The following AKR1C3 variants were observed in gnomAD, a reference collection of about 807,000 sequenced individuals.
AKR1C3 encodes the protein aldo-keto reductase family 1 member C3.
A neutral mutation model predicts 43.6 loss-of-function variants in AKR1C3; 48 were observed. The ratio of observed to expected loss-of-function variants is 1.10; its 90% CI spans 0.87 to 1.40. The LOEUF is 1.40. Among genes scored for constraint, AKR1C3 ranks in the 40% most tolerant of loss-of-function variants. AKR1C3 has a pLI of 0.00. For missense variants in AKR1C3, 482 were observed against 391.2 expected (o/e 1.23, Z -1.96); for synonymous variants, 162 against 139.6 (o/e 1.16, Z -1.13).
intron 1 of AKR1C3, among the ~76,000 whole-genome samples, chr10:5,053,271 AG>A (rs1375969359): frequency 1.3e-5 from 2 of 152,252 alleles, no homozygotes; most frequent in Admixed American, 6.5e-5. Context: ...GGTGGGCTGC[AG>A]GTCCCGAGCC....
At chr10:5,084,869 C>G (rs1340482268) in intron 1 of AKR1C3, among the ~76,000 whole-genome samples, 2 of 152,216 alleles carry the variant, frequency 1.3e-5, no homozygotes, top group Admixed American at 6.5e-5. Flanking sequence ...CATGATTTGG[C>G]TCTCTGTTTG....
intron 7 of AKR1C3, among the ~76,000 whole-genome samples, chr10:5,103,634 G>C (rs11252944): frequency 0.26 from 39,646 of 151,968 alleles, 5,391 homozygotes; most frequent in Middle Eastern, 0.37. Flanking sequence ...AGTTCATCCT[G>C]CAGCCATCCA....
chr10:5,056,231 G>C (rs1479029568), intron 1 of AKR1C3, among the ~76,000 whole-genome samples: 1 of 152,134 alleles, frequency 6.6e-6, no homozygotes, highest in African/African-American at 2.4e-5. Flanking sequence ...CTTGGGGCAT[G>C]TAAGTTGGGA....
intron 1 of AKR1C3, among the ~76,000 whole-genome samples, chr10:5,055,772 G>A (rs11592230): frequency 0.14 from 20,613 of 152,090 alleles, 1,753 homozygotes; most frequent in South Asian, 0.24. Flanking sequence ...TCTGCCTCTG[G>A]TTCCCATTCT....
chr10:5,080,842 A>C (rs1732278472), intron 1 of AKR1C3: 2 of 152,204 alleles, frequency 1.3e-5, no homozygotes, highest in Non-Finnish European at 2.9e-5. Context: ...CAACACACCA[A>C]AATAGCGGGA....
chr10:5,075,349 C>T (rs1464214250), intron 1 of AKR1C3, among the ~76,000 whole-genome samples: 1 of 152,050 alleles, frequency 6.6e-6, no homozygotes, highest in Non-Finnish European at 1.5e-5. Flanking sequence ...AAATTTTTTC[C>T]CTTGGCCCCC....
At chr10:5,067,018 TAA>T (rs1193180842) in intron 1 of AKR1C3, among the ~76,000 whole-genome samples, 3 of 151,860 alleles carry the variant, frequency 2.0e-5, no homozygotes, top group Admixed American at 2.0e-4. Flanking sequence ...TGATGTGGAT[TAA>T]GAGGAGTGAA....
chr10:5,101,017 C>T (rs72774016), intron 5 of AKR1C3, among the ~76,000 whole-genome samples: 1 of 152,134 alleles, frequency 6.6e-6, no homozygotes, highest in African/African-American at 2.4e-5. Context: ...TGAAGACATT[C>T]TTCCAGCTAC....
intron 5 of AKR1C3, among the ~76,000 whole-genome samples, chr10:5,100,766 T>G (rs1040513282): frequency 6.6e-6 from 1 of 152,190 alleles, no homozygotes; most frequent in Non-Finnish European, 1.5e-5. Context: ...ATATTAGTCC[T>G]TCAATTTTTT....
At chr10:5,085,410 A>G (rs1398947283) in intron 1 of AKR1C3, among the ~76,000 whole-genome samples, 1 of 152,036 alleles carries the variant, frequency 6.6e-6, no homozygotes, top group Non-Finnish European at 1.5e-5. Flanking sequence ...CCAACCTTGC[A>G]TCCCAGGGAT....
chr10:5,107,410 C>G, intron 8 of AKR1C3, 51 bp from the exon 9 acceptor site: 1 of 1,274,590 alleles, frequency 7.8e-7, no homozygotes, highest in Non-Finnish European at 1.1e-6. Context: ...CTTTACTACT[C>G]CCCTAGTAAT....
chr10:5,097,842 T>C (rs1187919847), intron 3 of AKR1C3: 1 of 1,163,822 alleles, frequency 8.6e-7, no homozygotes, highest in Non-Finnish European at 1.1e-6. Context: ...TTTGAGTCCA[T>C]CTCTTGGGAT....
chr10:5,096,690 T>G, intron 2 of AKR1C3, 113 bp downstream of exon 2: 1 of 1,468,300 alleles, frequency 6.8e-7, no homozygotes. Flanking sequence ...TGGGTTCAAA[T>G]TTATTCACAC....
intron 5 of AKR1C3, among the ~76,000 whole-genome samples, chr10:5,100,885 A>AATG (rs1554785862): frequency 1.3e-3 from 196 of 152,332 alleles, no homozygotes; most frequent in African/African-American, 4.5e-3. Flanking sequence ...CCAAATATTT[A>AATG]TGGCAAATGT....
At chr10:5,061,252 A>G (rs573555009) in intron 1 of AKR1C3, among the ~76,000 whole-genome samples, 2 of 152,322 alleles carry the variant, frequency 1.3e-5, no homozygotes, top group East Asian at 3.9e-4. Context: ...TGAGGTGGGC[A>G]TGGATGATTT....
intron 1 of AKR1C3, among the ~76,000 whole-genome samples, chr10:5,061,205 C>T (rs1421415940): frequency 7.9e-5 from 12 of 152,168 alleles, no homozygotes; most frequent in Non-Finnish European, 2.9e-5. Flanking sequence ...TGTCACCTCT[C>T]AGTGGGAGAT....
chr10:5,091,916 G>A (rs1426710833), upstream of AKR1C3, among the ~76,000 whole-genome samples: 2 of 151,918 alleles, frequency 1.3e-5, no homozygotes, highest in Non-Finnish European at 2.9e-5. Flanking sequence ...ATGGTTTCAG[G>A]TTACTGTCTA....
chr10:5,094,321 A>G, upstream of AKR1C3: 1 of 1,159,336 alleles, frequency 8.6e-7, no homozygotes. Flanking sequence ...ACCTCCTCCT[A>G]CATGCCATTG....
Position 5,106,891 on chromosome 10 carries a change from AT to A in AKR1C3, c.930-563del, listed in dbSNP as rs1285005919. The stretch of plus-strand genomic sequence containing the variant: ...AAAATTGGTAGATATCATTGTTAAT[AT>A]TTTTTTAGTTTCAAGGAAAATAAAT... On this transcript the variant is annotated intron_variant, in intron 8 of 8. Coordinates refer to ENST00000380554, the MANE Select transcript of AKR1C3 (RefSeq NM_003739.6). Among the ~76,000 whole-genome samples the A allele has an allele frequency of 1.0e-4, 14 of 139,502 alleles. No individual in the cohort carries two copies. The East Asian group carries it at 2.0e-3, about 20-fold the overall frequency. The allele number at this position is 139,502 out of a possible 152,430, so 91.5% of individuals were successfully genotyped here.
Sources: gnomAD v4.1 joint callset for allele counts (sites outside exome capture counted in the v4.1 genomes callset) on GRCh38, gnomAD v4.1.1 for gene constraint, MANE v1.5 for transcripts, NCBI Gene and HGNC (gene_info 2026-07-23, HGNC 2026-07-21) for gene names.